The following SAMMSON variants were observed in gnomAD, a reference collection of about 807,000 sequenced individuals.
SAMMSON encodes long intergenic non-protein coding RNA 1212.
chr3:70,065,806 G>T (rs1437042658), intron 3 of SAMMSON, among the ~76,000 whole-genome samples: 2 of 152,056 alleles, frequency 1.3e-5, no homozygotes, highest in Non-Finnish European at 2.9e-5. Context: ...ATAGCGCCAA[G>T]GTGCAGAAAC....
intron 7 of SAMMSON, among the ~76,000 whole-genome samples, chr3:70,350,999 G>C (rs535899833): frequency 3.1e-4 from 47 of 152,254 alleles, no homozygotes; most frequent in African/African-American, 1.1e-3. Flanking sequence ...AAGAAGCCTT[G>C]AGCAGTGGTT....
At chr3:70,143,368 A>ATGTGTG (rs142389051) in intron 4 of SAMMSON, among the ~76,000 whole-genome samples, 31 of 150,550 alleles carry the variant, frequency 2.1e-4, no homozygotes, top group East Asian at 1.6e-3. Context: ...ATATGTGTGA[A>ATGTGTG]TGTGTGTGTG....
intron 4 of SAMMSON, among the ~76,000 whole-genome samples, chr3:70,102,540 T>G (rs1478360862): frequency 6.6e-6 from 1 of 152,186 alleles, no homozygotes; most frequent in African/African-American, 2.4e-5. Flanking sequence ...TCAGGCCACT[T>G]CTTTCCCAGA....
intron 2 of SAMMSON, among the ~76,000 whole-genome samples, chr3:70,434,268 T>C (rs1701439511): frequency 6.6e-6 from 1 of 152,212 alleles, no homozygotes; most frequent in Admixed American, 6.5e-5. Flanking sequence ...ATATATGGAG[T>C]ATTTTTTCTT....
intron 4 of SAMMSON, among the ~76,000 whole-genome samples, chr3:70,095,205 A>G (rs552139584): frequency 1.3e-3 from 205 of 152,304 alleles, no homozygotes; most frequent in African/African-American, 4.8e-3. Context: ...GTGGAGGTCC[A>G]GGTTTCTGAA....
intron 4 of SAMMSON, among the ~76,000 whole-genome samples, chr3:70,131,013 A>G (rs1413189320): frequency 2.0e-5 from 3 of 152,208 alleles, no homozygotes; most frequent in African/African-American, 7.2e-5. Context: ...TAAGAATAAT[A>G]TTGAATGCCC....
chr3:70,108,912 A>G (rs1331534275), intron 4 of SAMMSON, among the ~76,000 whole-genome samples: 1 of 152,150 alleles, frequency 6.6e-6, no homozygotes, highest in East Asian at 1.9e-4. Context: ...TGAACTGAAT[A>G]ATATACCACA....
At chr3:70,124,956 C>T (rs924153921) in intron 4 of SAMMSON, 3 of 538,852 alleles carry the variant, frequency 5.6e-6, no homozygotes, top group Admixed American at 3.4e-5. Context: ...TTTAAATATA[C>T]TTTCAAAGCT....
chr3:70,202,033 C>T (rs763758086), intron 4 of SAMMSON, among the ~76,000 whole-genome samples: 1 of 152,104 alleles, frequency 6.6e-6, no homozygotes, highest in East Asian at 1.9e-4. Flanking sequence ...TCTGGCTAAC[C>T]ACAGTGACTG....
At chr3:70,345,654 C>T (rs1702744325) in intron 7 of SAMMSON, among the ~76,000 whole-genome samples, 1 of 152,172 alleles carries the variant, frequency 6.6e-6, no homozygotes, top group Admixed American at 6.5e-5. Flanking sequence ...CTCCCCTCAT[C>T]CCCTCCAAAA....
At chr3:70,080,618 T>C (rs1175284150) in intron 4 of SAMMSON, among the ~76,000 whole-genome samples, 1 of 152,092 alleles carries the variant, frequency 6.6e-6, no homozygotes, top group Non-Finnish European at 1.5e-5. Context: ...CTATTTTGTC[T>C]ATAAAACTCT....
chr3:70,283,792 G>A (rs1702112946), intron 6 of SAMMSON: 1 of 151,306 alleles, frequency 6.6e-6, no homozygotes, highest in African/African-American at 2.4e-5. Context: ...AAAAGAGAGA[G>A]AAGAAAAAGA....
chr3:70,242,257 T>G (rs920964700), intron 4 of SAMMSON, among the ~76,000 whole-genome samples: 2 of 152,188 alleles, frequency 1.3e-5, no homozygotes, highest in Non-Finnish European at 2.9e-5. Flanking sequence ...TAATCTCCCC[T>G]AAAATCAAGT....
chr3:70,355,701 T>C (rs1036472385), intron 8 of SAMMSON, among the ~76,000 whole-genome samples: 2 of 152,064 alleles, frequency 1.3e-5, no homozygotes, highest in African/African-American at 4.8e-5. Context: ...AAATAAGTAA[T>C]GCAAGCGTAA....
chr3:70,259,088 G>T (rs1279994510), intron 6 of SAMMSON, among the ~76,000 whole-genome samples: 6 of 152,058 alleles, frequency 3.9e-5, no homozygotes, highest in Non-Finnish European at 8.8e-5. Flanking sequence ...GAAATTATAC[G>T]GTACCTCCTG....
intron 7 of SAMMSON, among the ~76,000 whole-genome samples, chr3:70,308,794 A>G (rs1702428797): frequency 6.6e-6 from 1 of 152,138 alleles, no homozygotes; most frequent in African/African-American, 2.4e-5. Context: ...TAATAGCAGT[A>G]CTCAGAATGG....
At chr3:70,214,690 T>G (rs1213590492) in intron 4 of SAMMSON, among the ~76,000 whole-genome samples, 8 of 151,058 alleles carry the variant, frequency 5.3e-5, no homozygotes, top group African/African-American at 1.9e-4. Flanking sequence ...TAGACAGACA[T>G]AGGCTAAGTG....
intron 4 of SAMMSON, among the ~76,000 whole-genome samples, chr3:70,235,926 C>A (rs1271659163): frequency 6.6e-6 from 1 of 152,186 alleles, no homozygotes; most frequent in African/African-American, 2.4e-5. Context: ...TTCCTATGGG[C>A]AGTCACCACG....
At chr3:70,348,539 T>C (rs1347671188) in intron 7 of SAMMSON, among the ~76,000 whole-genome samples, 5 of 152,098 alleles carry the variant, frequency 3.3e-5, no homozygotes, top group East Asian at 1.9e-4. Context: ...AATCCAATCC[T>C]AGGGGCTCCA....
Sources: allele counts gnomAD v4.1 joint callset (sites outside exome capture counted in the v4.1 genomes callset), GRCh38; gene constraint gnomAD v4.1.1; transcripts MANE v1.5; gene names NCBI Gene and HGNC (gene_info 2026-07-23, HGNC 2026-07-21).